SP4: variants seen among roughly 807,000 people sequenced by gnomAD.
The protein encoded by SP4 is Sp4 transcription factor, also known as transcription factor Sp4.
SP4 carries 19 observed loss-of-function variants against 72.8 expected under a neutral mutation model. The ratio of observed to expected loss-of-function variants is 0.26; its 90% CI spans 0.18 to 0.38. The LOEUF (loss-of-function observed/expected upper bound fraction) is 0.38, where lower values mean the gene tolerates loss of function less well. Ranked by LOEUF, SP4 falls within the 10% of genes least tolerant of loss-of-function variation. The probability of loss-of-function intolerance (pLI) is 1.00; values close to 1 mark genes in which losing one functional copy is unlikely to be tolerated. For synonymous variants in SP4, 395 were observed against 333.1 expected (o/e 1.19, Z -2.02); for missense variants, 1,008 against 926.3 (o/e 1.09, Z -1.14).
intron 5 of SP4, among the ~76,000 whole-genome samples, chr7:21,485,148 A>C (rs1361066043): frequency 6.6e-6 from 1 of 151,984 alleles, no homozygotes; most frequent in Non-Finnish European, 1.5e-5. Context: ...ATATGAAAAA[A>C]TATATTTTGA....
intron 5 of SP4, among the ~76,000 whole-genome samples, chr7:21,504,322 TC>T (rs1781941595): frequency 6.6e-6 from 1 of 152,206 alleles, no homozygotes; most frequent in African/African-American, 2.4e-5. Flanking sequence ...AAAAGTGTGT[TC>T]CAACCCATTA....
chr7:21,481,833 C>T, intron 4 of SP4, 91 bp from the exon 5 acceptor site: 1 of 910,668 alleles, frequency 1.1e-6, no homozygotes, highest in Non-Finnish European at 1.8e-6. Flanking sequence ...AGAGAAGCAT[C>T]ATTTAATTAC....
chr7:21,502,042 C>A (rs1015090652), intron 5 of SP4, among the ~76,000 whole-genome samples: 1 of 41,786 alleles, frequency 2.4e-5, no homozygotes, highest in African/African-American at 7.3e-5. Flanking sequence ...CATTAGGCAC[C>A]CCCCCCCCCC....
chr7:21,431,292 A>C (rs546042091), intron 3 of SP4, among the ~76,000 whole-genome samples: 3 of 152,104 alleles, frequency 2.0e-5, no homozygotes, highest in East Asian at 3.9e-4. Context: ...ACTTTTTTTT[A>C]GTGGAAGTTA....
chr7:21,472,274 A>ATTGTTTGT (rs141136006), intron 3 of SP4, among the ~76,000 whole-genome samples: 30 of 151,148 alleles, frequency 2.0e-4, no homozygotes, highest in South Asian at 4.2e-4. Flanking sequence ...ATTTTGTTTG[A>ATTGTTTGT]TTGTTTGTTT....
chr7:21,428,477 G>A (rs1440762502), intron 1 of SP4, among the ~76,000 whole-genome samples, 200 bp from the exon 2 acceptor site: 1 of 152,100 alleles, frequency 6.6e-6, no homozygotes, highest in African/African-American at 2.4e-5. Flanking sequence ...GAGCCGATGG[G>A]TCGGGTTTCA....
At position 21,428,186 on chromosome 7, in the gene SP4, T is replaced by TCCCC; in HGVS notation, c.-65_-64insCCCC. ...GGCGGGACCGGCCTCTCCTCCCGCC[T>TCCCC]CGCCCCCACCCCCACCCACCTCTAT... On this transcript the variant is annotated 5_prime_UTR_variant, in exon 1 of 6. Coordinates refer to ENST00000222584, the MANE Select transcript of SP4 (RefSeq NM_003112.5). 1 of 297,750 alleles carries TCCCC rather than the reference T, an allele frequency of 3.4e-6. No homozygotes were observed. The highest frequency in any genetic ancestry group is 5.2e-5 in the Admixed American group (1 of 19,288). 18.4% of individuals were successfully genotyped at this position (297,750 alleles called of 1,614,324 possible).
At chr7:21,467,553 A>G (rs922132726) in intron 3 of SP4, among the ~76,000 whole-genome samples, 3 of 152,140 alleles carry the variant, frequency 2.0e-5, no homozygotes, top group African/African-American at 7.2e-5. Flanking sequence ...ATATTTGGTT[A>G]TCTTTTTATG....
At chr7:21,463,821 A>G (rs1485638617) in intron 3 of SP4, among the ~76,000 whole-genome samples, 1 of 152,136 alleles carries the variant, frequency 6.6e-6, no homozygotes, top group Admixed American at 6.5e-5. Flanking sequence ...GATCATCATC[A>G]CTCAAATTAG....
chr7:21,469,504 T>G (rs919300452), intron 3 of SP4, among the ~76,000 whole-genome samples: 6 of 151,936 alleles, frequency 3.9e-5, no homozygotes, highest in African/African-American at 1.4e-4. Flanking sequence ...AAGGGAGAAA[T>G]CTTAGCCTAT....
intron 3 of SP4, among the ~76,000 whole-genome samples, chr7:21,437,291 C>T (rs1354071898): frequency 6.6e-6 from 1 of 152,140 alleles, no homozygotes; most frequent in Non-Finnish European, 1.5e-5. Flanking sequence ...CACTAAGAAA[C>T]TAGGTTCATA....
At position 21,477,060 on chromosome 7, in the gene SP4, T is replaced by G. The variant is rs762754275; in HGVS notation, c.1679-19T>G. The G allele has an allele frequency of 1.3e-6, 2 of 1,589,920 alleles. No individual in the cohort carries two copies. Among genetic ancestry groups the G allele is most frequent in the Non-Finnish European group, 1.7e-6 (2 of 1,159,244 alleles). ...GTGTAGAAAACATTACAATACTTCTTTTTTTTCTTCCTTTTTAGGTCAGCA... is the reference window on the plus strand; with the variant it reads ...GTGTAGAAAACATTACAATACTTCTGTTTTTTCTTCCTTTTTAGGTCAGCA... On this transcript the variant is annotated intron_variant, in intron 3 of 5. Coordinates refer to ENST00000222584, the MANE Select transcript of SP4 (RefSeq NM_003112.5).
intron 4 of SP4, among the ~76,000 whole-genome samples, chr7:21,480,157 C>T (rs943376653): frequency 1.3e-5 from 2 of 152,060 alleles, no homozygotes; most frequent in South Asian, 4.1e-4. Flanking sequence ...ACAATGTTGA[C>T]AGTGTGCTTG....
intron 3 of SP4, among the ~76,000 whole-genome samples, chr7:21,456,916 G>T (rs1379311996): frequency 2.0e-5 from 3 of 152,162 alleles, no homozygotes; most frequent in African/African-American, 7.2e-5. Flanking sequence ...CCCAGTGGAG[G>T]GGGAGCAGAG....
intron 5 of SP4, among the ~76,000 whole-genome samples, chr7:21,494,062 C>G (rs1436966872): frequency 6.6e-6 from 1 of 152,124 alleles, no homozygotes; most frequent in Non-Finnish European, 1.5e-5. Context: ...AGCAAACACA[C>G]AATAAATATT....
chr7:21,429,271 C>T lies in SP4; in HGVS notation c.124-18C>T. The stretch of plus-strand genomic sequence containing the variant: ...TTTTTTCCCCCCCCCCTCTCCTTTA[C>T]CGTCCCATTTTGGGTAGGACTCTCA... On this transcript the variant is annotated intron_variant, in intron 2 of 5. Transcript: ENST00000222584. The T allele has an allele frequency of 7.4e-7, 1 of 1,359,624 alleles. No homozygotes were observed. Among genetic ancestry groups the T allele is most frequent in the Non-Finnish European group, 1.0e-6 (1 of 973,680 alleles). 84.2% of individuals were successfully genotyped at this position (1,359,624 alleles called of 1,614,324 possible). A position where few individuals can be genotyped will look rare whatever the true frequency, so the allele number is the denominator to read the frequency against.
At chr7:21,463,071 CTT>C (rs1382367796) in intron 3 of SP4, among the ~76,000 whole-genome samples, 2 of 150,720 alleles carry the variant, frequency 1.3e-5, no homozygotes, top group Non-Finnish European at 3.0e-5. Flanking sequence ...TGATAAATAA[CTT>C]TTCTTTTTTT....
At chr7:21,499,507 G>GT (rs1167751176) in intron 5 of SP4, among the ~76,000 whole-genome samples, 1 of 152,158 alleles carries the variant, frequency 6.6e-6, no homozygotes. Context: ...ACAAACCAAG[G>GT]AATGCCAAGG....
chr7:21,507,524 C>T (rs577740196), intron 5 of SP4, among the ~76,000 whole-genome samples: 1 of 152,244 alleles, frequency 6.6e-6, no homozygotes, highest in South Asian at 2.1e-4. Flanking sequence ...GGGATTTTTA[C>T]TAGGCTCTTT....
Sources: gnomAD v4.1 joint callset for allele counts (sites outside exome capture counted in the v4.1 genomes callset) on GRCh38, gnomAD v4.1.1 for gene constraint, MANE v1.5 for transcripts, NCBI Gene and HGNC (gene_info 2026-07-23, HGNC 2026-07-21) for gene names.